Variants in IKBKG observed in about 807,000 individuals in gnomAD.
IKBKG encodes NF-kappa-B essential modulator.
A neutral mutation model predicts 13.7 loss-of-function variants in IKBKG; 2 were observed. The ratio of observed to expected loss-of-function variants is 0.15; its 90% CI spans 0.06 to 0.46. The LOEUF (loss-of-function observed/expected upper bound fraction) is 0.46. Among genes scored for constraint, IKBKG ranks in the 20% least tolerant of loss-of-function variants. IKBKG has a pLI of 0.98. For synonymous variants in IKBKG, 22 were observed against 64.4 expected, an observed-to-expected ratio of 0.34 and a Z score of 3.15; for missense variants, 53 against 150.3, an observed-to-expected ratio of 0.35 and a Z score of 3.39.
intron 1 of IKBKG, among the ~76,000 whole-genome samples, chrX:154,548,948 G>A (rs782059587): frequency 2.8e-5 from 3 of 107,545 alleles, no homozygotes; most frequent in Non-Finnish European, 5.8e-5. Flanking sequence ...TATATCCCTC[G>A]CAATCCTCTC....
upstream of IKBKG, chrX:154,542,418 T>C (rs1316334995): frequency 5.0e-6 from 6 of 1,196,515 alleles, no homozygotes; most frequent in African/African-American, 1.8e-5. Context: ...AGGCGCACAC[T>C]AGTCTACAAG....
upstream of IKBKG, among the ~76,000 whole-genome samples, chrX:154,544,491 C>T (rs1557232716): frequency 3.6e-5 from 4 of 112,355 alleles, no homozygotes; most frequent in East Asian, 2.8e-4. Flanking sequence ...GACTGGGTTT[C>T]GCCATGTTGG....
At chrX:154,544,180 T>C (rs182157900), upstream of IKBKG, among the ~76,000 whole-genome samples, 4 of 101,326 alleles carry the variant, frequency 3.9e-5, no homozygotes, top group East Asian at 1.3e-3. Flanking sequence ...TGTTTTGTTT[T>C]GAGACAGAGT....
upstream of IKBKG, chrX:154,545,749 C>T: frequency 3.4e-6 from 1 of 290,115 alleles, no homozygotes; most frequent in Non-Finnish European, 6.2e-6. Flanking sequence ...GCAGGAGAAT[C>T]GCTTGAACCC....
intron 2 of IKBKG, among the ~76,000 whole-genome samples, chrX:154,554,755 CA>C (rs1288792980): frequency 9.2e-6 from 1 of 108,381 alleles, no homozygotes; most frequent in Non-Finnish European, 1.9e-5. Flanking sequence ...GAGTCTGTCT[CA>C]AAAAAAAAGA....
intron 1 of IKBKG, chrX:154,547,975 TC>T (rs2070801479): frequency 9.3e-6 from 7 of 753,702 alleles, no homozygotes; most frequent in Non-Finnish European, 9.4e-6. Flanking sequence ...CTGACCCTAC[TC>T]CTTGTGTGAG....
chrX:154,551,218 G>T (rs1302910504), intron 1 of IKBKG, among the ~76,000 whole-genome samples: 1 of 109,727 alleles, frequency 9.1e-6, no homozygotes, highest in Admixed American at 9.8e-5. Flanking sequence ...AAAGTGCTGG[G>T]ATTACAGGTG....
At chrX:154,546,407 T>C (rs189531113), upstream of IKBKG, among the ~76,000 whole-genome samples, 13 of 112,162 alleles carry the variant, frequency 1.2e-4, no homozygotes, top group African/African-American at 4.2e-4. Flanking sequence ...ACTCAAAGCA[T>C]TGGTGTATTC....
chrX:154,545,021 A>C (rs782162162), upstream of IKBKG, among the ~76,000 whole-genome samples: 21 of 111,990 alleles, frequency 1.9e-4, no homozygotes, highest in African/African-American at 6.8e-4. Context: ...TCCAGGGTTA[A>C]AAGTGAAAAC....
intron 1 of IKBKG, among the ~76,000 whole-genome samples, chrX:154,550,558 A>C (rs1379152063): frequency 9.2e-6 from 1 of 109,041 alleles, no homozygotes; most frequent in Admixed American, 9.9e-5. Flanking sequence ...TACAGAGAAG[A>C]AGATGTCCTA....
At chrX:154,544,319 G>A (rs1470137367), upstream of IKBKG, among the ~76,000 whole-genome samples, 1 of 109,470 alleles carries the variant, frequency 9.1e-6, no homozygotes, top group South Asian at 3.9e-4. Context: ...GCACCACCAC[G>A]CCCAGCTAAT....
At chrX:154,541,342 AACCG>A (rs1295400924) in exon 1 of IKBKG, 1 of 111,623 alleles carries the variant, frequency 9.0e-6, no homozygotes, top group African/African-American at 3.3e-5. Context: ...CAGGCCCTGC[AACCG>A]ACCGACCGTC....
At chrX:154,552,296 C>A in intron 2 of IKBKG, 107 bp downstream of exon 2, 1 of 638,758 alleles carries the variant, frequency 1.6e-6, no homozygotes. Flanking sequence ...TGCCCTCCCT[C>A]TTGGTTTCAG....
intron 2 of IKBKG, among the ~76,000 whole-genome samples, chrX:154,555,602 CAG>C (rs1313673565): frequency 4.5e-5 from 5 of 112,140 alleles, no homozygotes; most frequent in Non-Finnish European, 9.4e-5. Flanking sequence ...TTTTTTGAGA[CAG>C]AGTTTTGCTC....
At chrX:154,545,918 C>CGG (rs2070696968), upstream of IKBKG, 4 of 907,403 alleles carry the variant, frequency 4.4e-6, no homozygotes, top group Non-Finnish European at 6.3e-6. Flanking sequence ...CTAGCAGGAG[C>CGG]GGGAGGAGGA....
chrX:154,546,769 GCGCC>G, upstream of IKBKG: 2 of 1,141,571 alleles, frequency 1.8e-6, no homozygotes, highest in South Asian at 1.9e-5. Flanking sequence ...CGCCTGCGCG[GCGCC>G]CGCCCGGCCG....
upstream of IKBKG, chrX:154,546,906 A>G (rs1250170606): frequency 2.3e-5 from 19 of 818,637 alleles, no homozygotes; most frequent in African/African-American, 2.2e-4. Context: ...GCCTGGGCTG[A>G]GCGGACCCGC....
upstream of IKBKG, chrX:154,546,879 C>A (rs1557233604): frequency 9.8e-7 from 1 of 1,024,595 alleles, no homozygotes; most frequent in Non-Finnish European, 1.3e-6. Flanking sequence ...ATTTAATCGG[C>A]GGGGGCGGGG....
upstream of IKBKG, chrX:154,547,384 C>T: frequency 2.6e-6 from 2 of 755,261 alleles, no homozygotes; most frequent in Non-Finnish European, 3.1e-6. Context: ...GCCGAGCGCC[C>T]CGAGGCTAGA....
Sources: allele counts gnomAD v4.1 joint callset (sites outside exome capture counted in the v4.1 genomes callset), GRCh38; gene constraint gnomAD v4.1.1; transcripts MANE v1.5; gene names NCBI Gene and HGNC (gene_info 2026-07-23, HGNC 2026-07-21).